The following MCTP1 variants were observed in gnomAD, a reference collection of about 807,000 sequenced individuals.
MCTP1 encodes multiple C2 and transmembrane domain-containing protein 1.
Under a neutral mutation model 120.6 loss-of-function variants are expected in MCTP1, and 69 were observed. The observed-to-expected ratio is 0.57, with a 90% CI of 0.47 to 0.70. The LOEUF is 0.70. MCTP1 is among the 30% of genes least tolerant of loss of function. The pLI is 0.00. For missense variants in MCTP1, 1,203 were observed against 1,248.8 expected (o/e 0.96, Z 0.55); for synonymous variants, 529 against 493.1 (o/e 1.07, Z -0.96).
intron 1 of MCTP1, among the ~76,000 whole-genome samples, chr5:95,036,098 A>T (rs770939999): frequency 6.6e-6 from 1 of 152,112 alleles, no homozygotes; most frequent in African/African-American, 2.4e-5. Context: ...TGTCATGAAA[A>T]AGTGCATAGC....
intron 2 of MCTP1, among the ~76,000 whole-genome samples, chr5:94,957,841 G>A (rs200596006): frequency 0.032 from 3,371 of 104,792 alleles, no homozygotes; most frequent in Non-Finnish European, 0.034. Context: ...ACACCCCACT[G>A]TCTATATTAG....
Position 94,705,432 on chromosome 5 carries a change from C to T in MCTP1, c.*2064G>A, listed in dbSNP as rs1400249260. The T allele has an allele frequency of 6.7e-6, 1 of 149,636 alleles. No homozygotes were observed. Among genetic ancestry groups the T allele is most frequent in the Non-Finnish European group, 1.5e-5 (1 of 67,286 alleles). 9.3% of individuals were successfully genotyped at this position (149,636 alleles called of 1,614,324 possible). A position where few individuals can be genotyped will look rare whatever the true frequency, so the allele number is the denominator to read the frequency against. ...AGGAAAAAGGTCTTATTTGTTTAAA[C>T]CAAATCTGTTTTTCTCCAAGTGACA... On this transcript the variant is annotated 3_prime_UTR_variant, in exon 23 of 23. Transcript: ENST00000515393.
intron 1 of MCTP1, among the ~76,000 whole-genome samples, chr5:95,256,315 G>T (rs1055226028): frequency 5.3e-5 from 8 of 152,200 alleles, no homozygotes; most frequent in Non-Finnish European, 1.2e-4. Flanking sequence ...TGGAAGCGGG[G>T]CATGGCCCAC....
At chr5:95,097,168 G>A (rs991515679) in intron 1 of MCTP1, among the ~76,000 whole-genome samples, 6 of 151,946 alleles carry the variant, frequency 3.9e-5, no homozygotes, top group Non-Finnish European at 8.8e-5. Context: ...AATAATCAAT[G>A]TTAATGTATT....
At chr5:94,999,492 T>C (rs1833240739) in intron 2 of MCTP1, among the ~76,000 whole-genome samples, 1 of 152,296 alleles carries the variant, frequency 6.6e-6, no homozygotes, top group Admixed American at 6.5e-5. Context: ...ATGGGATGTG[T>C]ATTGATTGCC....
At chr5:94,968,480 T>C (rs1265868090) in intron 2 of MCTP1, among the ~76,000 whole-genome samples, 3 of 152,206 alleles carry the variant, frequency 2.0e-5, no homozygotes, top group African/African-American at 7.2e-5. Flanking sequence ...GTTTTCAAGA[T>C]TATATTATTA....
chr5:94,926,642 A>C (rs1813200063), intron 6 of MCTP1, among the ~76,000 whole-genome samples: 1 of 151,802 alleles, frequency 6.6e-6, no homozygotes, highest in Non-Finnish European at 1.5e-5. Flanking sequence ...TCAATTTAAT[A>C]ACTAACTGTC....
chr5:95,209,794 C>T (rs1752108921), intron 1 of MCTP1, among the ~76,000 whole-genome samples: 1 of 152,146 alleles, frequency 6.6e-6, no homozygotes, highest in African/African-American at 2.4e-5. Context: ...TTCCTGCTTT[C>T]TCTTGTGGGC....
chr5:95,226,263 G>C (rs1255908371), intron 1 of MCTP1, among the ~76,000 whole-genome samples: 2 of 152,062 alleles, frequency 1.3e-5, no homozygotes, highest in Admixed American at 1.3e-4. Context: ...GTTTTTTGGG[G>C]GAAAGCATGT....
chr5:94,832,014 G>C (rs1163625723), intron 17 of MCTP1, among the ~76,000 whole-genome samples: 2 of 152,200 alleles, frequency 1.3e-5, no homozygotes, highest in African/African-American at 2.4e-5. Flanking sequence ...TACTGATCAA[G>C]TAGCAACCTA....
In MCTP1 at chr5:95,060,640, C is replaced by T. The variant is rs73140008; in HGVS notation, c.721-43156G>A. 8.6e-3 allele frequency among the ~76,000 whole-genome samples: 1,315 copies of T among 152,180 alleles called. 20 individuals are homozygous for T. The highest frequency in any genetic ancestry group is 0.03 in the African/African-American group (1,233 of 41,518). ...TGAGTCTATCTAAATTGACTTTGTT[C>T]CACTCAGAATTTTAGATGACATATT... On this transcript the variant is annotated intron_variant, in intron 1 of 22. Transcript: ENST00000515393.
chr5:94,765,708 G>GAAA (rs70978128), intron 19 of MCTP1, among the ~76,000 whole-genome samples: 5 of 109,132 alleles, frequency 4.6e-5, no homozygotes, highest in Non-Finnish European at 5.7e-5. Flanking sequence ...TCTCAAAAAA[G>GAAA]AAAAAAAAAA....
At chr5:94,856,153 C>T (rs1411096955) in intron 17 of MCTP1, among the ~76,000 whole-genome samples, 2 of 151,462 alleles carry the variant, frequency 1.3e-5, no homozygotes, top group South Asian at 2.1e-4. Context: ...ACTCATAATC[C>T]CTGTGCTAAC....
chr5:94,949,890 G>A (rs159018), intron 3 of MCTP1, among the ~76,000 whole-genome samples: 90,982 of 151,826 alleles, frequency 0.6, 27,493 homozygotes, highest in African/African-American at 0.68. Context: ...CAAACACACA[G>A]GCCTGCATAG....
chr5:95,158,999 A>G (rs1439292011), intron 1 of MCTP1, among the ~76,000 whole-genome samples: 3 of 152,166 alleles, frequency 2.0e-5, no homozygotes, highest in Non-Finnish European at 4.4e-5. Context: ...TCTGTTGAGT[A>G]TGTATCCATA....
In MCTP1 at chr5:95,062,457, A is replaced by G. The variant is rs1386206171; in HGVS notation, c.721-44973T>C. ...AGCAGCATGAAGTCCAGTTGAGGCT[A>G]TAAGGAAAAGAGCTTTATAATTCCC... is the stretch of plus-strand genomic sequence containing the variant. On this transcript the variant is annotated intron_variant, in intron 1 of 22. Transcript: ENST00000515393. Among the ~76,000 whole-genome samples, 7 of 152,204 alleles carry G rather than the reference A, an allele frequency of 4.6e-5. No homozygotes were observed. The East Asian group carries it at 1.3e-3, about 29-fold the overall frequency.
intron 17 of MCTP1, among the ~76,000 whole-genome samples, chr5:94,827,033 C>T (rs1449475350): frequency 6.6e-6 from 1 of 151,804 alleles, no homozygotes; most frequent in Admixed American, 6.6e-5. Flanking sequence ...GGTTATTTTG[C>T]CCATTAGCTG....
At chr5:95,152,472 T>C (rs1393818861) in intron 1 of MCTP1, among the ~76,000 whole-genome samples, 2 of 152,198 alleles carry the variant, frequency 1.3e-5, no homozygotes, top group Non-Finnish European at 2.9e-5. Context: ...GGATATAATA[T>C]CCAGGGCAAT....
chr5:95,244,904 G>A (rs191122309), intron 1 of MCTP1, among the ~76,000 whole-genome samples: 4 of 152,236 alleles, frequency 2.6e-5, no homozygotes, highest in East Asian at 3.9e-4. Context: ...GCCTGACTGG[G>A]AAACCCCTCC....
Sources: allele counts gnomAD v4.1 joint callset (sites outside exome capture counted in the v4.1 genomes callset), GRCh38; gene constraint gnomAD v4.1.1; transcripts MANE v1.5; gene names NCBI Gene and HGNC (gene_info 2026-07-23, HGNC 2026-07-21).